Variants in TFEB observed in about 807,000 individuals in gnomAD.
TFEB encodes transcription factor EB.
In TFEB, 12 loss-of-function variants were observed where a neutral mutation model predicts 48.0. The ratio of observed to expected loss-of-function variants is 0.25; its 90% CI spans 0.16 to 0.40. The LOEUF (loss-of-function observed/expected upper bound fraction) is 0.40. Ranked by LOEUF, TFEB falls within the 10% of genes least tolerant of loss-of-function variation. The pLI, the probability that TFEB is intolerant of heterozygous loss-of-function variation, is 1.00. For synonymous variants in TFEB, 244 were observed against 261.4 expected (o/e 0.93, Z 0.64); for missense variants, 509 against 640.3 (o/e 0.79, Z 2.21).
chr6:41,707,312 A>G (rs982103431), intron 1 of TFEB, among the ~76,000 whole-genome samples: 5 of 152,188 alleles, frequency 3.3e-5, no homozygotes, highest in African/African-American at 1.2e-4. Flanking sequence ...GGGCCTGCCC[A>G]CAGGGTAGGG....
At chr6:41,727,696 C>A (rs1353213777) in intron 1 of TFEB, among the ~76,000 whole-genome samples, 1 of 152,108 alleles carries the variant, frequency 6.6e-6, no homozygotes, top group East Asian at 1.9e-4. Context: ...TGTCTGCAAA[C>A]AAACAAAAAA....
At chr6:41,685,989 T>G in intron 8 of TFEB, 101 bp downstream of exon 8, 1 of 1,475,600 alleles carries the variant, frequency 6.8e-7, no homozygotes, top group East Asian at 2.3e-5. Flanking sequence ...ATGGGCATTA[T>G]TCCTGTGTCT....
intron 4 of TFEB, 109 bp downstream of exon 4, chr6:41,689,622 A>C (rs1288508035): frequency 2.5e-6 from 2 of 789,594 alleles, no homozygotes; most frequent in African/African-American, 3.4e-5. Context: ...GAAACATGCC[A>C]GCTCTGCCCA....
chr6:41,719,052 C>T (rs1485199580), intron 1 of TFEB, among the ~76,000 whole-genome samples: 1 of 152,230 alleles, frequency 6.6e-6, no homozygotes, highest in African/African-American at 2.4e-5. Flanking sequence ...CTCCCCATTG[C>T]TCACATTACC....
intron 1 of TFEB, among the ~76,000 whole-genome samples, chr6:41,706,517 C>G (rs1452750099): frequency 6.6e-5 from 10 of 151,762 alleles, no homozygotes; most frequent in African/African-American, 2.4e-4. Flanking sequence ...ACCCCCCCAC[C>G]CCCATCCTGC....
intron 1 of TFEB, among the ~76,000 whole-genome samples, chr6:41,710,861 G>A (rs1256415190): frequency 2.6e-5 from 4 of 151,924 alleles, no homozygotes; most frequent in Non-Finnish European, 5.9e-5. Context: ...TCCTCCTCCC[G>A]ACAGCACACC....
At chr6:41,687,862 G>A (rs765538953) in intron 5 of TFEB, 46 bp downstream of exon 5, 1 of 1,609,974 alleles carries the variant, frequency 6.2e-7, no homozygotes, top group East Asian at 2.2e-5. Context: ...AGAAAAGGAG[G>A]GAGGAGTCGG....
intron 1 of TFEB, among the ~76,000 whole-genome samples, chr6:41,714,586 CT>C (rs1400713497): frequency 1.3e-5 from 2 of 152,208 alleles, no homozygotes; most frequent in Non-Finnish European, 2.9e-5. Flanking sequence ...TTCTTGAGCA[CT>C]TACTACATGC....
In TFEB at chr6:41,723,981, T is replaced by G. The variant is rs1156855776; in HGVS notation, c.-23+11369A>C. 1 of 501,012 alleles carries G rather than the reference T, an allele frequency of 2.0e-6. No individual in the cohort carries two copies. The highest frequency in any genetic ancestry group is 5.8e-5 in the East Asian group (1 of 17,130). The allele number at this position is 501,012 out of a possible 1,614,324, so 31.0% of individuals were successfully genotyped here. A position where few individuals can be genotyped will look rare whatever the true frequency, so the allele number is the denominator to read the frequency against. ...CCAGAAGCCCCACAGCTCACCATCT[T>G]CCTGACTGGCCATACACCTGCAGTC... On this transcript the variant is annotated intron_variant, in intron 1 of 8. Coordinates refer to ENST00000373033, the MANE Select transcript of TFEB (RefSeq NM_001271944.2). This position sits in a 1 kb window ranked among gnomAD's most constrained non-coding sequence, Gnocchi z 6.0.
intron 1 of TFEB, among the ~76,000 whole-genome samples, chr6:41,727,033 C>T (rs1308871606): frequency 6.6e-6 from 1 of 152,166 alleles, no homozygotes; most frequent in African/African-American, 2.4e-5. Context: ...CCCACAGGAG[C>T]CGACTACCAT....
intron 7 of TFEB, 142 bp from the exon 8 acceptor site, chr6:41,686,379 T>A: frequency 9.4e-7 from 1 of 1,063,482 alleles, no homozygotes; most frequent in Non-Finnish European, 1.3e-6. Context: ...GTGGCTGATC[T>A]CAGTTTGCAC....
chr6:41,727,698 A>C (rs1211745457), intron 1 of TFEB, among the ~76,000 whole-genome samples: 2 of 152,130 alleles, frequency 1.3e-5, no homozygotes, highest in African/African-American at 4.8e-5. Context: ...TCTGCAAACA[A>C]ACAAAAAAGA....
chr6:41,734,915 A>G lies in TFEB; in HGVS notation c.-23+435T>C. 1 of 982,104 alleles carries G rather than the reference A, an allele frequency of 1.0e-6. No individual in the cohort carries two copies. The allele number at this position is 982,104 out of a possible 1,614,324, so 60.8% of individuals were successfully genotyped here. A position where few individuals can be genotyped will look rare whatever the true frequency, so the allele number is the denominator to read the frequency against. ...CCTCCCCTACCTCCGACCCCCTCTCAGGCATCGCCGGCCCCAGCCGTGTCC... is the reference window on the plus strand; with the variant it reads ...CCTCCCCTACCTCCGACCCCCTCTCGGGCATCGCCGGCCCCAGCCGTGTCC... On this transcript the variant is annotated intron_variant, in intron 1 of 8. Coordinates refer to ENST00000373033, the MANE Select transcript of TFEB (RefSeq NM_001271944.2). The surrounding 1 kb of genome is among the most constrained non-coding windows in gnomAD (Gnocchi z 4.0).
intron 1 of TFEB, among the ~76,000 whole-genome samples, chr6:41,693,950 A>T (rs1426522301): frequency 7.3e-5 from 2 of 27,568 alleles, no homozygotes; most frequent in Admixed American, 3.6e-4. Context: ...AGCCCAACCC[A>T]CCCCCTCGCA....
chr6:41,715,107 C>T (rs1770677443), intron 1 of TFEB, among the ~76,000 whole-genome samples: 1 of 152,182 alleles, frequency 6.6e-6, no homozygotes, highest in Non-Finnish European at 1.5e-5. Context: ...GGCCTCCAAC[C>T]AGGGCCTCCC....
intron 1 of TFEB, among the ~76,000 whole-genome samples, chr6:41,713,063 G>T (rs1036222540): frequency 2.0e-5 from 3 of 152,136 alleles, no homozygotes; most frequent in African/African-American, 7.2e-5. Context: ...GGTGAAGTCT[G>T]CGGGGGCCAG....
At chr6:41,714,694 G>T (rs892785368) in intron 1 of TFEB, among the ~76,000 whole-genome samples, 1 of 152,160 alleles carries the variant, frequency 6.6e-6, no homozygotes, top group African/African-American at 2.4e-5. Context: ...CCCCCATCCC[G>T]AGGGTGCGGG....
At position 41,684,291 on chromosome 6, in the gene TFEB, A is replaced by C; in HGVS notation, c.*308T>G. On this transcript the variant is annotated 3_prime_UTR_variant, in exon 9 of 9. Coordinates refer to ENST00000373033, the MANE Select transcript of TFEB (RefSeq NM_001271944.2). ...GGGGCTCGGGCTCAGAAGACAGGGA[A>C]TCTCCACCAGGCCCTCTTCTCACCT... is the stretch of plus-strand genomic sequence containing the variant. 4 of 295,122 alleles carry C rather than the reference A, an allele frequency of 1.4e-5. No homozygotes were observed. Among genetic ancestry groups the C allele is most frequent in the Admixed American group, 5.1e-5 (1 of 19,442 alleles). 18.3% of individuals were successfully genotyped at this position (295,122 alleles called of 1,614,324 possible). A position where few individuals can be genotyped will look rare whatever the true frequency, so the allele number is the denominator to read the frequency against.
At position 41,687,780 on chromosome 6, in the gene TFEB, G is replaced by T. The variant is rs1327480600; in HGVS notation, c.700C>A (p.Arg234=). 1 of 1,613,940 alleles carries T rather than the reference G, an allele frequency of 6.2e-7. No individual in the cohort carries two copies. Among genetic ancestry groups the T allele is most frequent in the Non-Finnish European group, 8.5e-7 (1 of 1,179,974 alleles). ...DAESRALAKE[R]QKKDNHNLIE... is the part of the protein sequence containing the mutation. ...AAGTTGTGATTGTCTTTCTTCTGCCGCTCCTTGGCCAGGGCCCTGCTCTCA... is the reference window on the plus strand; with the variant it reads ...AAGTTGTGATTGTCTTTCTTCTGCCTCTCCTTGGCCAGGGCCCTGCTCTCA... The change falls in exon 6 of 9, where the codon CGG becomes AGG. Residue 234 remains arginine (R), a synonymous_variant. Coordinates refer to ENST00000373033, the MANE Select transcript of TFEB (RefSeq NM_001271944.2).
Sources: gnomAD v4.1 joint callset for allele counts (sites outside exome capture counted in the v4.1 genomes callset) on GRCh38, gnomAD v4.1.1 for gene constraint, Gnocchi (gnomAD v3.1) non-coding constraint, MANE v1.5 for transcripts, NCBI Gene and HGNC (gene_info 2026-07-23, HGNC 2026-07-21) for gene names.